AGK: variants seen among roughly 807,000 people sequenced by gnomAD.
AGK encodes acylglycerol kinase, also known as acylglycerol kinase, mitochondrial.
AGK carries 52 observed loss-of-function variants against 66.4 expected under a neutral mutation model. The observed-to-expected ratio is 0.78, with a 90% CI of 0.63 to 0.99. The LOEUF is 0.99. Among genes scored for constraint, AGK ranks in the 50% least tolerant of loss-of-function variants. The pLI is 0.00. For missense variants in AGK, 451 were observed against 506.6 expected, an observed-to-expected ratio of 0.89 and a Z score of 1.05; for synonymous variants, 182 against 181.1, an observed-to-expected ratio of 1.00 and a Z score of -0.04.
intron 5 of AGK, among the ~76,000 whole-genome samples, chr7:141,606,943 C>T (rs1206208987): frequency 6.6e-6 from 1 of 152,156 alleles, no homozygotes; most frequent in Non-Finnish European, 1.5e-5. Context: ...TGGCTTCTGT[C>T]ACTTAGCAAT....
At chr7:141,604,143 C>T (rs1343329465) in intron 5 of AGK, among the ~76,000 whole-genome samples, 3 of 151,740 alleles carry the variant, frequency 2.0e-5, no homozygotes, top group Non-Finnish European at 4.4e-5. Flanking sequence ...CTAATGTTTA[C>T]TTTTTATGCC....
chr7:141,582,654 A>G (rs1044021951), intron 2 of AGK, among the ~76,000 whole-genome samples: 2 of 152,098 alleles, frequency 1.3e-5, no homozygotes, highest in Admixed American at 1.3e-4. Context: ...ACGCTAACCA[A>G]TTTGGGAGAA....
chr7:141,611,126 A>C, intron 5 of AGK, 69 bp from the exon 6 acceptor site: 1 of 957,514 alleles, frequency 1.0e-6, no homozygotes, highest in Non-Finnish European at 1.6e-6. Context: ...AAGATATCCC[A>C]CATTTTTAAA....
At chr7:141,615,734 A>G (rs940524919) in intron 8 of AGK, 169 bp downstream of exon 8, 6 of 612,586 alleles carry the variant, frequency 9.8e-6, no homozygotes, top group African/African-American at 7.4e-5. Context: ...AAGTCTCCCA[A>G]CTTGGTTGTG....
rs114868918 is a variant in AGK, at chr7:141,584,383, C to T, written c.102-8763C>T. On this transcript the variant is annotated intron_variant, in intron 2 of 15. Transcript: ENST00000649286. Reference sequence around the variant, plus strand: ...CTTCACTTGCTTCGGGCCATCTGGACGCATATACATGCAGGTCACAGGGGA... The same window carrying T: ...CTTCACTTGCTTCGGGCCATCTGGATGCATATACATGCAGGTCACAGGGGA... Among the ~76,000 whole-genome samples the T allele has an allele frequency of 4.0e-3, 610 of 151,830 alleles. 1 individual carries two copies. The highest frequency in any genetic ancestry group is 5.1e-3 in the Non-Finnish European group (342 of 67,660).
intron 2 of AGK, among the ~76,000 whole-genome samples, chr7:141,589,412 GT>G (rs1226039830): frequency 6.6e-6 from 1 of 152,156 alleles, no homozygotes; most frequent in African/African-American, 2.4e-5. Context: ...TGCTGAGATA[GT>G]TTTCAGAGCT....
intron 2 of AGK, among the ~76,000 whole-genome samples, chr7:141,590,906 A>G (rs1211694262): frequency 6.6e-6 from 1 of 152,064 alleles, no homozygotes; most frequent in Non-Finnish European, 1.5e-5. Context: ...AAGGTTGCAC[A>G]ACGCTCTTTG....
At chr7:141,650,170 C>CA (rs906053471) in intron 14 of AGK, among the ~76,000 whole-genome samples, 40 of 152,232 alleles carry the variant, frequency 2.6e-4, no homozygotes, top group African/African-American at 9.4e-4. Context: ...TCTACACAGG[C>CA]ACATAAGTTT....
At chr7:141,582,608 G>C (rs909561709) in intron 2 of AGK, among the ~76,000 whole-genome samples, 1 of 151,992 alleles carries the variant, frequency 6.6e-6, no homozygotes, top group Non-Finnish European at 1.5e-5. Flanking sequence ...CCATGAACTG[G>C]ACTGGGTTTT....
At chr7:141,589,752 G>A (rs1161997817) in intron 2 of AGK, among the ~76,000 whole-genome samples, 1 of 152,066 alleles carries the variant, frequency 6.6e-6, no homozygotes, top group African/African-American at 2.4e-5. Flanking sequence ...TAGAGACGGG[G>A]TTTCACCATG....
intron 13 of AGK, among the ~76,000 whole-genome samples, chr7:141,648,131 C>G (rs1357622703): frequency 6.6e-6 from 1 of 152,166 alleles, no homozygotes; most frequent in Non-Finnish European, 1.5e-5. Context: ...CTCCACGGGA[C>G]CCCCTTTTTC....
intron 2 of AGK, among the ~76,000 whole-genome samples, chr7:141,569,406 C>T (rs748481571): frequency 4.6e-5 from 7 of 152,008 alleles, no homozygotes; most frequent in Admixed American, 3.3e-4. Context: ...TGGCGGTGTG[C>T]GCCTGTAGTC....
At position 141,581,959 on chromosome 7, in the gene AGK, G is replaced by A. The variant is rs953864390; in HGVS notation, c.102-11187G>A. Among the ~76,000 whole-genome samples, 6 of 152,118 alleles carry A rather than the reference G, an allele frequency of 3.9e-5. No homozygotes were observed. The South Asian group carries it at 1.0e-3, about 26-fold the overall frequency. On this transcript the variant is annotated intron_variant, in intron 2 of 15. Coordinates refer to ENST00000649286, the MANE Select transcript of AGK (RefSeq NM_018238.4). ...AAGGGAAACATGCCCTTGAAAAGAA[G>A]GTAATGTGGAGTGGGTAGCCTCCGT... is the stretch of plus-strand genomic sequence containing the variant.
intron 13 of AGK, among the ~76,000 whole-genome samples, chr7:141,646,290 T>C (rs1428292751): frequency 2.0e-5 from 3 of 151,104 alleles, no homozygotes; most frequent in Non-Finnish European, 4.4e-5. Context: ...AGATAGAGGT[T>C]GAGTTACCTA....
rs538448771 is a variant in AGK, at chr7:141,587,532, C to T, written c.102-5614C>T. ...TCCTCCCACAGCGGGTGGCCTCCAG[C>T]GGTTCCGAACTACTTTCTCTTTCCT... is the stretch of plus-strand genomic sequence containing the variant. On this transcript the variant is annotated intron_variant, in intron 2 of 15. Coordinates refer to ENST00000649286, the MANE Select transcript of AGK (RefSeq NM_018238.4). Among the ~76,000 whole-genome samples, 7 of 152,304 alleles carry T rather than the reference C, an allele frequency of 4.6e-5. No individual in the cohort carries two copies. In the East Asian group the frequency reaches 7.7e-4, roughly 17 times the overall value.
chr7:141,654,234 T>G lies in AGK; in HGVS notation c.*1310T>G, dbSNP rs1797634847. 1 of 152,244 alleles carries G rather than the reference T, an allele frequency of 6.6e-6. No homozygotes were observed. The highest frequency in any genetic ancestry group is 1.5e-5 in the Non-Finnish European group (1 of 68,036). 9.4% of individuals were successfully genotyped at this position (152,244 alleles called of 1,614,324 possible). ...TGGTATATAATGAAAACGGTATTAA[T>G]TCTTGGATGATTAAAAGTTTTTTTA... On this transcript the variant is annotated 3_prime_UTR_variant, in exon 16 of 16. Transcript: ENST00000649286.
intron 5 of AGK, among the ~76,000 whole-genome samples, chr7:141,604,938 GT>G: frequency 6.6e-6 from 1 of 150,672 alleles, no homozygotes. Flanking sequence ...TGTGATATTT[GT>G]TTAGGCAACT....
chr7:141,577,405 GACCTAGAACC>G (rs1177314444), intron 2 of AGK, among the ~76,000 whole-genome samples: 1 of 152,144 alleles, frequency 6.6e-6, no homozygotes, highest in African/African-American at 2.4e-5. Flanking sequence ...ATCTACCTAT[GACCTAGAACC>G]ACCCCCCAGT....
chr7:141,563,366 T>G (rs34789967), intron 2 of AGK, among the ~76,000 whole-genome samples: 4,504 of 152,348 alleles, frequency 0.03, 108 homozygotes, highest in South Asian at 0.15. Flanking sequence ...TCTTCCATCT[T>G]ATACATCTTC....
Sources: allele counts gnomAD v4.1 joint callset (sites outside exome capture counted in the v4.1 genomes callset), GRCh38; gene constraint gnomAD v4.1.1; transcripts MANE v1.5; gene names NCBI Gene and HGNC (gene_info 2026-07-23, HGNC 2026-07-21).